ZNF483: variants seen among roughly 807,000 people sequenced by gnomAD.
ZNF483 encodes zinc finger protein 483, also known as zinc finger protein HIT-10.
In ZNF483, 9 loss-of-function variants were observed where a neutral mutation model predicts 28.6. The observed-to-expected ratio is 0.32, with a 90% CI of 0.19 to 0.55. The LOEUF (loss-of-function observed/expected upper bound fraction) is 0.55, where lower values mean the gene tolerates loss of function less well. ZNF483 is among the 20% of genes least tolerant of loss of function. The pLI, the probability that ZNF483 is intolerant of heterozygous loss-of-function variation, is 0.93. For missense variants in ZNF483, 675 were observed against 871.7 expected (o/e 0.77, Z 2.84); for synonymous variants, 322 against 306.2 (o/e 1.05, Z -0.54).
chr9:111,531,241 G>A (rs960928299), intron 3 of ZNF483, among the ~76,000 whole-genome samples: 2 of 151,988 alleles, frequency 1.3e-5, no homozygotes, highest in Non-Finnish European at 2.9e-5. Flanking sequence ...AGGAACTGAC[G>A]CCTCATTTTC....
At chr9:111,561,877 T>G (rs1010131747) in intron 5 of ZNF483, among the ~76,000 whole-genome samples, 2 of 152,150 alleles carry the variant, frequency 1.3e-5, no homozygotes, top group African/African-American at 2.4e-5. Context: ...GTTGTTTTTT[T>G]GTTTTGTTTT....
chr9:111,532,038 G>C (rs748790851), intron 3 of ZNF483, among the ~76,000 whole-genome samples: 33 of 152,220 alleles, frequency 2.2e-4, no homozygotes, highest in Non-Finnish European at 4.3e-4. Context: ...GCTGGGTACA[G>C]TGGATCATGC....
At position 111,546,869 on chromosome 9, in the gene ZNF483, C is replaced by T. The variant is rs1215640943; in HGVS notation, c.*3699C>T. On this transcript the variant is annotated 3_prime_UTR_variant, in exon 6 of 6. Coordinates refer to ENST00000309235, the MANE Select transcript of ZNF483 (RefSeq NM_133464.5). Reference sequence around the variant, plus strand: ...TTCTCCTCCTCAGGCTCCTGGTAACCACTGTTCTACTTCCTGTCTGTACAA... The same window carrying T: ...TTCTCCTCCTCAGGCTCCTGGTAACTACTGTTCTACTTCCTGTCTGTACAA... 6.6e-6 allele frequency among the ~76,000 whole-genome samples: 1 copy of T among 152,102 alleles called. No homozygotes were observed. The highest frequency in any genetic ancestry group is 1.5e-5 in the Non-Finnish European group (1 of 67,988).
At chr9:111,568,826 G>A (rs1301604423) in intron 5 of ZNF483, among the ~76,000 whole-genome samples, 2 of 152,168 alleles carry the variant, frequency 1.3e-5, no homozygotes, top group Non-Finnish European at 2.9e-5. Flanking sequence ...AGGTTCCCCC[G>A]ATACACTACA....
chr9:111,528,849 A>G (rs1157369687), intron 2 of ZNF483, among the ~76,000 whole-genome samples: 1 of 152,166 alleles, frequency 6.6e-6, no homozygotes, highest in Non-Finnish European at 1.5e-5. Flanking sequence ...CCCCTGCAAT[A>G]AAGAATTGAT....
intron 5 of ZNF483, among the ~76,000 whole-genome samples, chr9:111,538,237 G>A (rs911587771): frequency 6.6e-6 from 1 of 151,238 alleles, no homozygotes; most frequent in African/African-American, 2.4e-5. Flanking sequence ...TCCACGGGCT[G>A]GGCATGGCGG....
chr9:111,536,461 C>G (rs1827504955), intron 5 of ZNF483, among the ~76,000 whole-genome samples: 1 of 151,976 alleles, frequency 6.6e-6, no homozygotes, highest in Non-Finnish European at 1.5e-5. Flanking sequence ...GGAAGTGGAG[C>G]TTGCACTGAG....
At chr9:111,561,818 C>G (rs999853908) in intron 5 of ZNF483, among the ~76,000 whole-genome samples, 1 of 151,938 alleles carries the variant, frequency 6.6e-6, no homozygotes, top group Admixed American at 6.6e-5. Flanking sequence ...TCACTGATAT[C>G]GGCAGGGAGG....
rs190305830 is a variant in ZNF483 at position 111,533,751 on chromosome 9, T to C, written c.514T>C (p.Leu172=). 16 of 1,570,358 alleles carry C rather than the reference T, an allele frequency of 1.0e-5. No homozygotes were observed. The East Asian group carries it at 2.5e-4, about 25-fold the overall frequency. ...TTTGGTGTTCTAGGAATCTATAACA[T>C]TGAAGGATGTAGCTGTGAACTTTTC... ...PNTESCESIT[L]KDVAVNFSRG... The change falls in exon 4 of 6, where the codon TTG becomes CTG. Residue 172 remains leucine, a synonymous_variant. Transcript: ENST00000309235.
intron 5 of ZNF483, among the ~76,000 whole-genome samples, chr9:111,573,857 T>C (rs370420174): frequency 4.6e-5 from 7 of 152,122 alleles, no homozygotes; most frequent in African/African-American, 1.7e-4. Context: ...AGGGATGTGG[T>C]TTCAGCATAA....
intron 5 of ZNF483, chr9:111,563,506 TTTC>T (rs1452193306): frequency 2.0e-5 from 5 of 253,850 alleles, no homozygotes; most frequent in African/African-American, 1.1e-4. Context: ...TCTCTTTTTC[TTTC>T]TTTTTTTTTT....
intron 5 of ZNF483, among the ~76,000 whole-genome samples, chr9:111,566,601 AG>A (rs1425378436): frequency 1.3e-5 from 2 of 152,236 alleles, no homozygotes; most frequent in African/African-American, 4.8e-5. Context: ...ATCACAGCAC[AG>A]GACTAAGGGA....
chr9:111,532,491 A>G (rs1462457246), intron 3 of ZNF483, among the ~76,000 whole-genome samples: 2 of 152,138 alleles, frequency 1.3e-5, no homozygotes, highest in Non-Finnish European at 2.9e-5. Context: ...GCCGTAAGAC[A>G]AGGAACTGTG....
chr9:111,545,600 C>T lies in ZNF483; in HGVS notation c.*2430C>T, dbSNP rs143889643. The stretch of plus-strand genomic sequence containing the variant: ...CCGTCCAACCTCTAATCCCAGGCAC[C>T]CACTACTCAGTCGACTTTGTGTCTC... On this transcript the variant is annotated 3_prime_UTR_variant, in exon 6 of 6. Coordinates refer to ENST00000309235, the MANE Select transcript of ZNF483 (RefSeq NM_133464.5). Among the ~76,000 whole-genome samples, 20 of 152,284 alleles carry T rather than the reference C, an allele frequency of 1.3e-4. No homozygotes were observed. In the East Asian group the frequency reaches 3.7e-3, roughly 28 times the overall value.
chr9:111,572,756 C>CAAAAA (rs58101079), intron 5 of ZNF483, among the ~76,000 whole-genome samples: 1 of 63,504 alleles, frequency 1.6e-5, no homozygotes, highest in African/African-American at 7.7e-5. Context: ...GACCCTGTCT[C>CAAAAA]AAAAAAAAAA....
In ZNF483 at chr9:111,548,817, G is replaced by GT. The variant is rs11323976; in HGVS notation, c.*5660dup. Among the ~76,000 whole-genome samples, 429 of 148,040 alleles carry GT rather than the reference G, an allele frequency of 2.9e-3. 1 individual carries two copies. Among genetic ancestry groups the GT allele is most frequent in the East Asian group, 0.015 (77 of 5,084 alleles). On this transcript the variant is annotated 3_prime_UTR_variant, in exon 6 of 6. Transcript: ENST00000309235. Reference sequence around the variant, plus strand: ...CTGTATATAGAATTCTCAGTTGACAGTTTTTTTTTTTTTCTTTCTGCATTA... The same window carrying GT: ...CTGTATATAGAATTCTCAGTTGACAGTTTTTTTTTTTTTTCTTTCTGCATTA...
chr9:111,576,640 G>A (rs1206814244), exon 6 of ZNF483: 1 of 506,004 alleles, frequency 2.0e-6, no homozygotes, highest in African/African-American at 1.9e-5. Context: ...GTTGTTTTAA[G>A]GATTTCAGAT....
chr9:111,561,414 T>C (rs1323037973), intron 5 of ZNF483, among the ~76,000 whole-genome samples: 6 of 152,070 alleles, frequency 3.9e-5, no homozygotes, highest in African/African-American at 1.4e-4. Context: ...TAGCTGGGAC[T>C]ATAGGCACAC....
chr9:111,569,657 C>T lies in ZNF483; in HGVS notation c.722-6708C>T, dbSNP rs1322139392. ...GTACACACCTGTAGTCCTAGCTACT[C>T]GGGAGGCTGAGGCATGAGAATTGCT... On this transcript the variant is annotated intron_variant, in intron 5 of 5. Coordinates refer to the ZNF483 transcript ENST00000358151. 5.3e-5 allele frequency among the ~76,000 whole-genome samples: 8 copies of T among 152,070 alleles called. No individual in the cohort carries two copies. In the East Asian group the frequency reaches 1.2e-3, roughly 22 times the overall value.
Sources: allele counts gnomAD v4.1 joint callset (sites outside exome capture counted in the v4.1 genomes callset), GRCh38; gene constraint gnomAD v4.1.1; transcripts MANE v1.5; gene names NCBI Gene and HGNC (gene_info 2026-07-23, HGNC 2026-07-21).